The following ARHGAP29 variants were observed in gnomAD, a reference collection of about 807,000 sequenced individuals.
ARHGAP29 encodes the protein rho GTPase-activating protein 29.
Under a neutral mutation model 122.6 loss-of-function variants are expected in ARHGAP29, and 43 were observed. The observed-to-expected ratio is 0.35, with a 90% CI of 0.27 to 0.45. The LOEUF (loss-of-function observed/expected upper bound fraction) is 0.45. ARHGAP29 is among the 20% of genes least tolerant of loss of function. ARHGAP29 has a pLI of 1.00. For synonymous variants in ARHGAP29, 506 were observed against 497.1 expected, an observed-to-expected ratio of 1.02 and a Z score of -0.24; for missense variants, 1,303 against 1,477.2, an observed-to-expected ratio of 0.88 and a Z score of 1.93.
At chr1:94,271,724 C>G (rs1655001492) in intron 1 of ARHGAP29, among the ~76,000 whole-genome samples, 1 of 152,162 alleles carries the variant, frequency 6.6e-6, no homozygotes, top group African/African-American at 2.4e-5. Flanking sequence ...AAAGGTGGAA[C>G]AGGAGTAGTC....
intron 1 of ARHGAP29, among the ~76,000 whole-genome samples, chr1:94,253,152 A>G (rs1476743662): frequency 6.6e-6 from 1 of 152,038 alleles, no homozygotes; most frequent in Non-Finnish European, 1.5e-5. Context: ...TTGTATGTTT[A>G]GTAGAGACAG....
At chr1:94,179,371 G>A (rs374771132) in intron 20 of ARHGAP29, among the ~76,000 whole-genome samples, 5 of 151,924 alleles carry the variant, frequency 3.3e-5, no homozygotes, top group African/African-American at 1.2e-4. Context: ...TGAGGTGGGC[G>A]GATCATGAGG....
chr1:94,202,444 G>T, intron 11 of ARHGAP29, 100 bp downstream of exon 11: 1 of 1,409,754 alleles, frequency 7.1e-7, no homozygotes, highest in Non-Finnish European at 9.7e-7. Flanking sequence ...GTTTTAACAT[G>T]CCTTTCCAGG....
chr1:94,219,073 T>C (rs1246801052), intron 3 of ARHGAP29, among the ~76,000 whole-genome samples: 1 of 152,082 alleles, frequency 6.6e-6, no homozygotes, highest in Non-Finnish European at 1.5e-5. Context: ...TAGAGTGAGT[T>C]CCTCACTCTG....
upstream of ARHGAP29, among the ~76,000 whole-genome samples, chr1:94,242,632 G>T (rs1472593540): frequency 7.5e-6 from 1 of 133,626 alleles, no homozygotes; most frequent in East Asian, 2.2e-4. Context: ...AAAAAAAAAG[G>T]CAGGACAAGA....
intron 1 of ARHGAP29, 31 bp downstream of exon 1, chr1:94,237,384 G>C: frequency 2.0e-6 from 2 of 984,690 alleles, no homozygotes; most frequent in Non-Finnish European, 2.4e-6. Context: ...GACCGCCGCG[G>C]CCGGAGCAAG....
intron 2 of ARHGAP29, among the ~76,000 whole-genome samples, chr1:94,224,642 A>AT (rs994770700): frequency 1.1e-4 from 16 of 152,132 alleles, no homozygotes; most frequent in African/African-American, 2.2e-4. Flanking sequence ...GTCCTCAGTA[A>AT]TTTTTTTTAA....
upstream of ARHGAP29, chr1:94,237,697 G>C: frequency 2.0e-6 from 2 of 985,420 alleles, no homozygotes; most frequent in Non-Finnish European, 2.4e-6. Context: ...GCCGGCGACC[G>C]CGGCAGGTAC....
At chr1:94,247,772 G>A (rs1003024197) in intron 1 of ARHGAP29, 1 of 498,166 alleles carries the variant, frequency 2.0e-6, no homozygotes, top group Non-Finnish European at 2.6e-6. Flanking sequence ...CCGGCCGCCT[G>A]CCCCGCCCCT....
At chr1:94,239,672 C>G (rs1333062808), upstream of ARHGAP29, among the ~76,000 whole-genome samples, 2 of 72,898 alleles carry the variant, frequency 2.7e-5, no homozygotes, top group African/African-American at 4.3e-5. Context: ...AAGAGACAAA[C>G]AGAGGTGATA....
chr1:94,282,275 AT>A, the ARHGAP29 span, among the ~76,000 whole-genome samples: 4 of 148,008 alleles, frequency 2.7e-5, no homozygotes, highest in Non-Finnish European at 4.5e-5. Context: ...TTATTTATTT[AT>A]TTATTTATTT....
At position 94,204,995 on chromosome 1, in the gene ARHGAP29, TAAAAA is replaced by T. The variant is rs1651101409; in HGVS notation, c.697+61_697+65del. 12 of 1,401,696 alleles carry T rather than the reference TAAAAA, an allele frequency of 8.6e-6. No homozygotes were observed. The South Asian group carries it at 2.0e-4, about 23-fold the overall frequency. 86.8% of individuals were successfully genotyped at this position (1,401,696 alleles called of 1,614,324 possible). A position where few individuals can be genotyped will look rare whatever the true frequency, so the allele number is the denominator to read the frequency against. The stretch of plus-strand genomic sequence containing the variant: ...TTGGAATTCTATTACTCATAATCTG[TAAAAA>T]ATGAGTTAGAAACAACTTAATTATT... On this transcript the variant is annotated intron_variant, in intron 7 of 22. Coordinates refer to ENST00000260526, the MANE Select transcript of ARHGAP29 (RefSeq NM_004815.4).
chr1:94,189,378 CA>C, intron 13 of ARHGAP29, 26 bp from the exon 14 acceptor site: 3 of 1,586,334 alleles, frequency 1.9e-6, no homozygotes, highest in Non-Finnish European at 2.6e-6. Flanking sequence ...TGACAAAAAA[CA>C]AAACTCAACA....
chr1:94,234,685 TCTTC>T (rs1557879961), intron 1 of ARHGAP29, among the ~76,000 whole-genome samples: 2 of 152,332 alleles, frequency 1.3e-5, no homozygotes, highest in East Asian at 3.9e-4. Flanking sequence ...TATATCTAAG[TCTTC>T]CTTCCCATCA....
intron 1 of ARHGAP29, among the ~76,000 whole-genome samples, chr1:94,268,218 T>G (rs992209954): frequency 2.3e-4 from 35 of 152,214 alleles, no homozygotes; most frequent in African/African-American, 8.4e-4. Context: ...ATAGACAATA[T>G]TCAATACATT....
upstream of ARHGAP29, among the ~76,000 whole-genome samples, chr1:94,238,688 C>G (rs1040477594): frequency 1.3e-5 from 2 of 151,584 alleles, no homozygotes; most frequent in African/African-American, 4.9e-5. Context: ...GAGGTGCAGA[C>G]ACAGGAAAAG....
chr1:94,251,981 T>C (rs1654115296), intron 1 of ARHGAP29, among the ~76,000 whole-genome samples: 1 of 152,238 alleles, frequency 6.6e-6, no homozygotes, highest in Admixed American at 6.5e-5. Context: ...TGTTCACCAC[T>C]GTGTTTCCAG....
Position 94,203,832 on chromosome 1 carries a change from C to T in ARHGAP29, c.762+98G>A. 4 of 957,644 alleles carry T rather than the reference C, an allele frequency of 4.2e-6. No homozygotes were observed. The South Asian group carries it at 6.2e-5, about 15-fold the overall frequency. The allele number at this position is 957,644 out of a possible 1,614,324, so 59.3% of individuals were successfully genotyped here. On this transcript the variant is annotated intron_variant, in intron 8 of 22. Coordinates refer to ENST00000260526, the MANE Select transcript of ARHGAP29 (RefSeq NM_004815.4). The stretch of plus-strand genomic sequence containing the variant: ...CAATAAAAAGATCAGCATTTAAGTG[C>T]TTTCCTATATTAACTGAAATATTCT...
At position 94,185,467 on chromosome 1, in the gene ARHGAP29, C is replaced by G. The variant is rs745715163; in HGVS notation, c.1795G>C (p.Gly599Arg). ...GACATCAATGTTTTCTTAAATGTTC[C>G]AAGGGAATTGGGTCCTTGCAAGAGA... is the stretch of plus-strand genomic sequence containing the variant. ...SPSETGPNSL[G>R]TFKKTLMSKA... Residue 599 changes from glycine to arginine, a missense_variant, in exon 17 of 23, where the codon GGA (glycine) becomes CGA (arginine). By Grantham distance (125) the Gly-to-Arg change is moderately radical. Around this residue, in one of 3 missense-constraint regions of ARHGAP29, gnomAD observed 91 missense variants for 177.8 expected, o/e 0.51. Coordinates refer to ENST00000260526, the MANE Select transcript of ARHGAP29 (RefSeq NM_004815.4). 6.2e-7 allele frequency: 1 copy of G among 1,606,992 alleles called. No homozygotes were observed. The highest frequency in any genetic ancestry group is 1.3e-5 in the African/African-American group (1 of 74,666).
Sources: allele counts gnomAD v4.1 joint callset (sites outside exome capture counted in the v4.1 genomes callset), GRCh38; gene constraint gnomAD v4.1.1; regional missense constraint gnomAD v4.1.1; transcripts MANE v1.5; gene names NCBI Gene and HGNC (gene_info 2026-07-23, HGNC 2026-07-21).